Variants in EPHA6 observed in about 807,000 individuals in gnomAD.
EPHA6 encodes the protein ephrin type-A receptor 6.
In EPHA6, 50 loss-of-function variants were observed where a neutral mutation model predicts 112.0. The ratio of observed to expected loss-of-function variants is 0.45; its 90% CI spans 0.36 to 0.56. EPHA6 has a LOEUF of 0.56. Ranked by LOEUF, EPHA6 falls within the 20% of genes least tolerant of loss-of-function variation. The pLI, the probability that EPHA6 is intolerant of heterozygous loss-of-function variation, is 0.00. For synonymous variants in EPHA6, 529 were observed against 490.7 expected (o/e 1.08, Z -1.03); for missense variants, 1,280 against 1,417.4 (o/e 0.90, Z 1.56).
At chr3:97,533,883 C>T (rs914793916) in intron 11 of EPHA6, among the ~76,000 whole-genome samples, 2 of 152,108 alleles carry the variant, frequency 1.3e-5, no homozygotes, top group Non-Finnish European at 2.9e-5. Context: ...TCTGATGTTA[C>T]AACTCCACTA....
intron 1 of EPHA6, among the ~76,000 whole-genome samples, chr3:96,856,288 C>G (rs1212784870): frequency 6.6e-6 from 1 of 151,882 alleles, no homozygotes; most frequent in African/African-American, 2.4e-5. Flanking sequence ...AACCTGGCCA[C>G]CTAATATTGG....
At chr3:97,369,191 C>A (rs1166285237) in intron 5 of EPHA6, among the ~76,000 whole-genome samples, 2 of 152,134 alleles carry the variant, frequency 1.3e-5, no homozygotes, top group Non-Finnish European at 2.9e-5. Context: ...GAGGCCAGAA[C>A]ATGCAAGTAA....
At chr3:96,862,211 G>C (rs2107434194) in intron 1 of EPHA6, among the ~76,000 whole-genome samples, 1 of 151,998 alleles carries the variant, frequency 6.6e-6, no homozygotes, top group South Asian at 2.1e-4. Flanking sequence ...CATGATGTTA[G>C]AAGTATTGTC....
At chr3:97,698,130 G>A (rs1288630465) in intron 14 of EPHA6, among the ~76,000 whole-genome samples, 2 of 152,060 alleles carry the variant, frequency 1.3e-5, no homozygotes, top group African/African-American at 2.4e-5. Context: ...AGCCTCCCGA[G>A]TACCTGGGAT....
chr3:97,289,612 CT>C (rs1407946146), intron 5 of EPHA6, among the ~76,000 whole-genome samples: 1 of 151,506 alleles, frequency 6.6e-6, no homozygotes, highest in African/African-American at 2.4e-5. Flanking sequence ...TAATTTGGTA[CT>C]TTTTTAGGAA....
At chr3:97,129,362 C>T (rs2048273001) in intron 3 of EPHA6, among the ~76,000 whole-genome samples, 2 of 151,806 alleles carry the variant, frequency 1.3e-5, no homozygotes, top group South Asian at 2.1e-4. Flanking sequence ...ATTAGCCAGG[C>T]GTGGTGGAGG....
rs544453279 is a variant in EPHA6 at position 97,543,652 on chromosome 3, G to A, written c.2386+11109G>A. ...TGAAGAAAGTCGTTGGTAGCTTGATGGGGATGGCATTGAATCTATAAATTA... is the reference window on the plus strand; with the variant it reads ...TGAAGAAAGTCGTTGGTAGCTTGATAGGGATGGCATTGAATCTATAAATTA... On this transcript the variant is annotated intron_variant, in intron 11 of 17. Transcript: ENST00000389672. Among the ~76,000 whole-genome samples the A allele has an allele frequency of 3.9e-5, 6 of 152,170 alleles. No individual in the cohort carries two copies. In the South Asian group the frequency reaches 1.0e-3, roughly 26 times the overall value.
intron 6 of EPHA6, among the ~76,000 whole-genome samples, chr3:97,408,366 T>C (rs569048298): frequency 6.6e-6 from 1 of 152,134 alleles, no homozygotes; most frequent in South Asian, 2.1e-4. Context: ...CCTTACCCTT[T>C]GTGTTCACAT....
Position 97,722,780 on chromosome 3 carries a change from C to G in EPHA6, c.2934+2370C>G, listed in dbSNP as rs1442667284. 5.9e-5 allele frequency among the ~76,000 whole-genome samples: 9 copies of G among 152,036 alleles called. No homozygotes were observed. In the South Asian group the frequency reaches 1.5e-3, roughly 25 times the overall value. On this transcript the variant is annotated intron_variant, in intron 15 of 17. Transcript: ENST00000389672. ...TATATTCATAAAAGTCATTTATGGT[C>G]ATAAAAGTAATAATCATTCTAATTA...
chr3:97,054,113 G>A (rs1228326290), intron 3 of EPHA6, among the ~76,000 whole-genome samples: 1 of 151,468 alleles, frequency 6.6e-6, no homozygotes, highest in African/African-American at 2.4e-5. Flanking sequence ...CAGCCAGCAA[G>A]TGCAAAAAGC....
chr3:97,070,961 A>T (rs1239373073), intron 3 of EPHA6, among the ~76,000 whole-genome samples: 2 of 152,170 alleles, frequency 1.3e-5, no homozygotes, highest in African/African-American at 4.8e-5. Flanking sequence ...ATTTATTCAT[A>T]GAATTAACTT....
At chr3:97,355,357 T>A (rs1176592757) in intron 5 of EPHA6, among the ~76,000 whole-genome samples, 1 of 152,120 alleles carries the variant, frequency 6.6e-6, no homozygotes, top group Non-Finnish European at 1.5e-5. Flanking sequence ...AAGAAACAGT[T>A]CAAAACCAGG....
intron 5 of EPHA6, among the ~76,000 whole-genome samples, chr3:97,308,121 T>C (rs1160144396): frequency 6.6e-6 from 1 of 151,676 alleles, no homozygotes; most frequent in Non-Finnish European, 1.5e-5. Context: ...CTCTTGATGA[T>C]TTTACAAATT....
intron 2 of EPHA6, among the ~76,000 whole-genome samples, chr3:96,942,000 C>T (rs938190166): frequency 2.6e-5 from 4 of 152,156 alleles, no homozygotes; most frequent in South Asian, 4.1e-4. Context: ...AGTATGCAGT[C>T]GTGTGAGGTG....
At chr3:96,892,482 A>G (rs941481465) in intron 2 of EPHA6, among the ~76,000 whole-genome samples, 5 of 152,106 alleles carry the variant, frequency 3.3e-5, no homozygotes, top group Non-Finnish European at 7.4e-5. Context: ...CTCAGCCCCC[A>G]AAGTGCTGGG....
chr3:97,501,888 C>A (rs2092127190), intron 10 of EPHA6, among the ~76,000 whole-genome samples: 1 of 151,738 alleles, frequency 6.6e-6, no homozygotes, highest in South Asian at 2.1e-4. Flanking sequence ...CAAACCCACC[C>A]CCAAATTCTG....
intron 6 of EPHA6, among the ~76,000 whole-genome samples, chr3:97,412,339 C>G (rs762099885): frequency 6.6e-6 from 1 of 152,046 alleles, no homozygotes; most frequent in Non-Finnish European, 1.5e-5. Context: ...CAGTCAGGCC[C>G]AAGTTACACC....
At chr3:97,093,803 T>C (rs2047149743) in intron 3 of EPHA6, among the ~76,000 whole-genome samples, 1 of 152,190 alleles carries the variant, frequency 6.6e-6, no homozygotes. Context: ...ATTAATCTTA[T>C]CATTTTATAA....
chr3:96,917,568 C>T (rs1168482008), intron 2 of EPHA6, among the ~76,000 whole-genome samples: 3 of 151,928 alleles, frequency 2.0e-5, no homozygotes, highest in Non-Finnish European at 4.4e-5. Flanking sequence ...AGGCAGTGAG[C>T]CTGCTCCCAT....
Sources: allele counts gnomAD v4.1 joint callset (sites outside exome capture counted in the v4.1 genomes callset), GRCh38; gene constraint gnomAD v4.1.1; transcripts MANE v1.5; gene names NCBI Gene and HGNC (gene_info 2026-07-23, HGNC 2026-07-21).